DOCK2: variants seen among roughly 807,000 people sequenced by gnomAD.
The protein encoded by DOCK2 is dedicator of cytokinesis 2.
In DOCK2, 87 loss-of-function variants were observed where a neutral mutation model predicts 248.9. The observed-to-expected ratio is 0.35, with a 90% CI of 0.29 to 0.42. The LOEUF is 0.42. Ranked by LOEUF, DOCK2 falls within the 10% of genes least tolerant of loss-of-function variation. DOCK2 has a pLI of 1.00. For missense variants in DOCK2, 1,747 were observed against 2,300.2 expected (o/e 0.76, Z 4.92); for synonymous variants, 805 against 821.6 (o/e 0.98, Z 0.35).
chr5:169,853,008 T>C (rs1463243547), intron 27 of DOCK2, among the ~76,000 whole-genome samples: 2 of 152,190 alleles, frequency 1.3e-5, no homozygotes, highest in Non-Finnish European at 2.9e-5. Flanking sequence ...TTCCCATGTG[T>C]TGTGGGAGGG....
intron 1 of DOCK2, among the ~76,000 whole-genome samples, chr5:169,642,727 T>C (rs922801721): frequency 6.6e-6 from 1 of 152,226 alleles, no homozygotes; most frequent in East Asian, 1.9e-4. Context: ...TTTGAGTTCA[T>C]GTAAGGAGAT....
chr5:169,791,814 A>G (rs1282688128), intron 25 of DOCK2, among the ~76,000 whole-genome samples: 1 of 152,222 alleles, frequency 6.6e-6, no homozygotes, highest in African/African-American at 2.4e-5. Flanking sequence ...AATTCTCAGT[A>G]TGATGCCTAG....
chr5:169,874,516 A>G (rs1482284505), intron 27 of DOCK2, among the ~76,000 whole-genome samples: 1 of 151,602 alleles, frequency 6.6e-6, no homozygotes, highest in African/African-American at 2.4e-5. Flanking sequence ...AGCTTCATGC[A>G]TGGTCCTTGG....
chr5:169,915,993 GA>G (rs1478817964), intron 27 of DOCK2, among the ~76,000 whole-genome samples: 7 of 152,182 alleles, frequency 4.6e-5, no homozygotes. Flanking sequence ...CACTAGACCA[GA>G]AATATTACAA....
chr5:170,068,631 G>T (rs1220761731), intron 45 of DOCK2, among the ~76,000 whole-genome samples: 1 of 152,158 alleles, frequency 6.6e-6, no homozygotes, highest in Non-Finnish European at 1.5e-5. Flanking sequence ...AAGGACATGA[G>T]CCCCAGAAAG....
intron 47 of DOCK2, among the ~76,000 whole-genome samples, chr5:170,076,451 A>G (rs1206826003): frequency 1.3e-5 from 2 of 152,174 alleles, no homozygotes; most frequent in African/African-American, 4.8e-5. Context: ...AAAGATTTTT[A>G]ATCCTTTGTA....
chr5:169,718,362 C>A (rs1762014949), intron 21 of DOCK2, among the ~76,000 whole-genome samples: 1 of 152,244 alleles, frequency 6.6e-6, no homozygotes, highest in African/African-American at 2.4e-5. Flanking sequence ...ATTATTGCCA[C>A]CATTATTCCC....
At chr5:169,955,580 T>C (rs890646432) in intron 27 of DOCK2, among the ~76,000 whole-genome samples, 3 of 152,210 alleles carry the variant, frequency 2.0e-5, no homozygotes, top group African/African-American at 4.8e-5. Context: ...TATGACCTTG[T>C]TGGTTCTTTC....
intron 27 of DOCK2, among the ~76,000 whole-genome samples, chr5:169,927,240 G>A (rs779875108): frequency 6.6e-6 from 1 of 152,192 alleles, no homozygotes; most frequent in Non-Finnish European, 1.5e-5. Flanking sequence ...AGCTTCAGAT[G>A]AATTCGGAGA....
At chr5:169,948,648 C>CTGTT (rs1776540863) in intron 27 of DOCK2, among the ~76,000 whole-genome samples, 1 of 145,182 alleles carries the variant, frequency 6.9e-6, no homozygotes, top group African/African-American at 2.5e-5. Context: ...GGGTCTTGCT[C>CTGTT]TGTTCCCCAG....
At chr5:169,668,458 G>A (rs557903321) in intron 2 of DOCK2, among the ~76,000 whole-genome samples, 34 of 152,308 alleles carry the variant, frequency 2.2e-4, no homozygotes, top group African/African-American at 8.2e-4. Flanking sequence ...TTGGTTGTAT[G>A]TCTGTTGGGA....
chr5:170,018,892 G>T (rs1755625496), intron 32 of DOCK2, 68 bp from the exon 33 acceptor site: 1 of 1,559,120 alleles, frequency 6.4e-7, no homozygotes, highest in Non-Finnish European at 8.7e-7. Flanking sequence ...CTTTCCCCAG[G>T]CTTGGTCGGA....
At chr5:169,922,806 T>C (rs1775243092) in intron 27 of DOCK2, among the ~76,000 whole-genome samples, 1 of 152,208 alleles carries the variant, frequency 6.6e-6, no homozygotes, top group Non-Finnish European at 1.5e-5. Context: ...ACCTACATTG[T>C]TTGAGTATCT....
chr5:169,664,696 A>G (rs1467817771), intron 2 of DOCK2, among the ~76,000 whole-genome samples: 1 of 152,136 alleles, frequency 6.6e-6, no homozygotes, highest in Non-Finnish European at 1.5e-5. Context: ...ATCAGATCTC[A>G]CGAGAACTCG....
At chr5:170,051,204 G>C (rs755907425) in intron 41 of DOCK2, among the ~76,000 whole-genome samples, 42 of 152,126 alleles carry the variant, frequency 2.8e-4, no homozygotes, top group Admixed American at 7.2e-4. Flanking sequence ...AGCATAGCAG[G>C]CTCCACAAAC....
intron 40 of DOCK2, 29 bp downstream of exon 40, chr5:170,047,643 G>T (rs776410242): frequency 1.1e-5 from 17 of 1,602,612 alleles, no homozygotes; most frequent in Non-Finnish European, 1.5e-5. Context: ...TGGACACCAG[G>T]CGAGAGCCCC....
chr5:169,893,531 A>G (rs975716924), intron 27 of DOCK2, among the ~76,000 whole-genome samples: 3 of 110,560 alleles, frequency 2.7e-5, no homozygotes, highest in Non-Finnish European at 5.8e-5. Context: ...AATTTGATTT[A>G]TTTTTCCTGG....
intron 26 of DOCK2, among the ~76,000 whole-genome samples, chr5:169,811,172 CT>C (rs1767728668): frequency 6.6e-6 from 1 of 152,196 alleles, no homozygotes; most frequent in African/African-American, 2.4e-5. Context: ...AGTCCTGCCC[CT>C]GACCTGCGTG....
chr5:169,949,224 A>G (rs953683456), intron 27 of DOCK2, among the ~76,000 whole-genome samples: 8 of 152,290 alleles, frequency 5.3e-5, no homozygotes, highest in Middle Eastern at 6.8e-3. Flanking sequence ...CTGCACGACT[A>G]CTATGTGCAG....
Sources: gnomAD v4.1 joint callset for allele counts (sites outside exome capture counted in the v4.1 genomes callset) on GRCh38, gnomAD v4.1.1 for gene constraint, MANE v1.5 for transcripts, NCBI Gene and HGNC (gene_info 2026-07-23, HGNC 2026-07-21) for gene names.